ACKR2: variants seen among roughly 807,000 people sequenced by gnomAD.
ACKR2 encodes the protein C-C chemokine receptor D6.
For missense variants in ACKR2, 457 were observed against 477.3 expected (o/e 0.96, Z 0.40); for synonymous variants, 207 against 192.2 (o/e 1.08, Z -0.64).
intron 2 of ACKR2, among the ~76,000 whole-genome samples, chr3:42,847,424 C>A (rs1374604505): frequency 6.6e-6 from 1 of 152,148 alleles, no homozygotes; most frequent in African/African-American, 2.4e-5. Context: ...ATCTGAGGTT[C>A]TGGCATAACA....
intron 1 of ACKR2, among the ~76,000 whole-genome samples, chr3:42,814,426 CT>C (rs1351645144): frequency 6.6e-6 from 1 of 152,180 alleles, no homozygotes. Context: ...GCCTCTGTGA[CT>C]TTTCATGCTG....
At chr3:42,822,569 C>T (rs1313938327) in intron 2 of ACKR2, among the ~76,000 whole-genome samples, 1 of 152,096 alleles carries the variant, frequency 6.6e-6, no homozygotes, top group Admixed American at 6.6e-5. Context: ...AAAATAAAAA[C>T]AGGCTGGGTG....
At chr3:42,812,880 G>C (rs993285307) in intron 1 of ACKR2, among the ~76,000 whole-genome samples, 2 of 151,500 alleles carry the variant, frequency 1.3e-5, no homozygotes, top group Non-Finnish European at 2.9e-5. Context: ...GTAGAGACAG[G>C]GTTTCACCTT....
In ACKR2 at chr3:42,865,484, G is replaced by A; in HGVS notation, c.982G>A (p.Ala328Thr). ...RFRQYLKAFL[A>T]AVLGWHLAPG... ...CCGCCAGTACCTGAAGGCTTTCCTG[G>A]CTGCCGTGCTTGGATGGCACCTGGC... The change falls in exon 3 of 3, where the codon GCT (alanine) becomes ACT (threonine). Residue 328 changes from alanine (A) to threonine (T), a missense_variant. Ala to Thr is a moderately conservative substitution (Grantham distance 58). Coordinates refer to ENST00000422265, the MANE Select transcript of ACKR2 (RefSeq NM_001296.5). 6.2e-7 allele frequency: 1 copy of A among 1,614,062 alleles called. No individual in the cohort carries two copies. Among genetic ancestry groups the A allele is most frequent in the African/African-American group, 1.3e-5 (1 of 75,000 alleles).
At chr3:42,847,615 A>G (rs1279939387) in intron 2 of ACKR2, among the ~76,000 whole-genome samples, 1 of 152,174 alleles carries the variant, frequency 6.6e-6, no homozygotes, top group East Asian at 1.9e-4. Context: ...AAAAAGAAAC[A>G]GTGAGACAGA....
intron 2 of ACKR2, among the ~76,000 whole-genome samples, chr3:42,836,938 G>A (rs970455188): frequency 7.2e-5 from 11 of 152,288 alleles, no homozygotes; most frequent in Non-Finnish European, 1.5e-4. Flanking sequence ...TCTGATCACC[G>A]TGTTTCTCTT....
intron 2 of ACKR2, among the ~76,000 whole-genome samples, chr3:42,835,038 A>G (rs1413520786): frequency 6.6e-6 from 1 of 151,500 alleles, no homozygotes; most frequent in East Asian, 1.9e-4. Flanking sequence ...GGCACGCACC[A>G]CCACCCTTGG....
intron 2 of ACKR2, among the ~76,000 whole-genome samples, chr3:42,833,706 T>TA (rs34052773): frequency 0.35 from 52,300 of 150,110 alleles, 9,988 homozygotes; most frequent in East Asian, 0.62. Context: ...AGAGATCATT[T>TA]AAAAAAAAAA....
intron 2 of ACKR2, among the ~76,000 whole-genome samples, chr3:42,860,173 A>AT (rs2088368233): frequency 7.2e-6 from 1 of 138,482 alleles, no homozygotes; most frequent in Non-Finnish European, 1.6e-5. Flanking sequence ...GCAAAAAAAA[A>AT]AAAAAAAAAA....
chr3:42,847,416 C>A (rs1701109933), intron 2 of ACKR2, among the ~76,000 whole-genome samples: 1 of 152,130 alleles, frequency 6.6e-6, no homozygotes, highest in Non-Finnish European at 1.5e-5. Context: ...TTAGGAAGAT[C>A]TGAGGTTCTG....
chr3:42,814,248 CTAT>C (rs780665704), intron 1 of ACKR2, among the ~76,000 whole-genome samples: 60 of 152,296 alleles, frequency 3.9e-4, no homozygotes, highest in Non-Finnish European at 5.7e-4. Context: ...CATGCAACAT[CTAT>C]TATTCCATTC....
intron 1 of ACKR2, among the ~76,000 whole-genome samples, chr3:42,817,121 C>T (rs939805382): frequency 8.5e-5 from 13 of 152,130 alleles, no homozygotes; most frequent in African/African-American, 2.9e-4. Context: ...ATTGTGTGAT[C>T]TAAGTGACCA....
intron 2 of ACKR2, among the ~76,000 whole-genome samples, chr3:42,843,599 AGGGT>A (rs1701062708): frequency 1.3e-5 from 2 of 152,198 alleles, no homozygotes; most frequent in South Asian, 4.1e-4. Context: ...GCTGTCTAGC[AGGGT>A]GGTCTCCATA....
At chr3:42,856,177 G>A (rs377305724) in intron 2 of ACKR2, 12 of 501,716 alleles carry the variant, frequency 2.4e-5, no homozygotes, top group South Asian at 2.3e-4. Context: ...AAAAGGCACT[G>A]GGTAAAGTTC....
Position 42,826,227 on chromosome 3 carries a change from G to A in ACKR2, c.-38+6516G>A, listed in dbSNP as rs554685709. Among the ~76,000 whole-genome samples, 53 of 152,170 alleles carry A rather than the reference G, an allele frequency of 3.5e-4. No individual in the cohort carries two copies. In the South Asian group the frequency reaches 7.9e-3, roughly 23 times the overall value. On this transcript the variant is annotated intron_variant, in intron 2 of 2. Coordinates refer to ENST00000422265, the MANE Select transcript of ACKR2 (RefSeq NM_001296.5). ...TTGGTGTGTAGTGTTCTTTTCTTGTGATGTCTTTGTTGGGTTTTTGTATCA... is the reference window on the plus strand; with the variant it reads ...TTGGTGTGTAGTGTTCTTTTCTTGTAATGTCTTTGTTGGGTTTTTGTATCA...
At chr3:42,816,994 G>A (rs1299828330) in intron 1 of ACKR2, among the ~76,000 whole-genome samples, 3 of 152,216 alleles carry the variant, frequency 2.0e-5, no homozygotes, top group South Asian at 2.1e-4. Context: ...CAAAAGACAC[G>A]GCTTTGAATA....
At chr3:42,818,725 C>T (rs960934915) in intron 1 of ACKR2, among the ~76,000 whole-genome samples, 2 of 152,144 alleles carry the variant, frequency 1.3e-5, no homozygotes, top group Non-Finnish European at 2.9e-5. Flanking sequence ...CCACACCCAG[C>T]TAATTTTTGT....
intron 2 of ACKR2, chr3:42,851,223 G>A (rs1207675891): frequency 3.6e-6 from 1 of 281,002 alleles, no homozygotes; most frequent in Non-Finnish European, 5.4e-6. Context: ...TCTTATCAAT[G>A]AGAGAAATAG....
At chr3:42,825,477 T>C (rs935049135) in intron 2 of ACKR2, among the ~76,000 whole-genome samples, 10 of 152,118 alleles carry the variant, frequency 6.6e-5, no homozygotes, top group African/African-American at 2.2e-4. Flanking sequence ...ATCGTAGATA[T>C]AATAGTTTTC....
Sources: allele counts gnomAD v4.1 joint callset (sites outside exome capture counted in the v4.1 genomes callset), GRCh38; gene constraint gnomAD v4.1.1; transcripts MANE v1.5; gene names NCBI Gene and HGNC (gene_info 2026-07-23, HGNC 2026-07-21).